The following CAVIN1 variants were observed in gnomAD, a reference collection of about 807,000 sequenced individuals.
CAVIN1 encodes the protein caveolae-associated protein 1.
In CAVIN1, 16 loss-of-function variants were observed where a neutral mutation model predicts 24.0. That is an observed-to-expected ratio of 0.67 (90% confidence interval 0.45 to 1.01). The LOEUF is 1.01. Ranked by LOEUF, CAVIN1 falls within the 50% of genes least tolerant of loss-of-function variation. The pLI is 0.00. For missense variants in CAVIN1, 510 were observed against 551.7 expected (o/e 0.92, Z 0.76); for synonymous variants, 256 against 256.4 (o/e 1.00, Z 0.02).
Position 42,404,941 on chromosome 17 carries a change from C to T in CAVIN1, c.919G>A (p.Val307Met). The T allele has an allele frequency of 6.2e-7, 1 of 1,614,158 alleles. No homozygotes were observed. The highest frequency in any genetic ancestry group is 8.5e-7 in the Non-Finnish European group (1 of 1,179,994). ...LRKSFTPDHV[V>M]YARSKTAVYK... Reference sequence around the variant, plus strand: ...ACCGCGGTCTTGGAGCGCGCGTACACCACGTGGTCGGGCGTGAAGGATTTG... The same window carrying T: ...ACCGCGGTCTTGGAGCGCGCGTACATCACGTGGTCGGGCGTGAAGGATTTG... Residue 307 changes from valine to methionine, a missense_variant, in exon 2 of 2, where the codon GTG (valine) becomes ATG (methionine). Physicochemically the swap from Val to Met is conservative, Grantham distance 21. Transcript: ENST00000357037.
In CAVIN1 at chr17:42,404,611, A is replaced by C; in HGVS notation, c.*76T>G. The C allele has an allele frequency of 9.8e-7, 1 of 1,017,972 alleles. No individual in the cohort carries two copies. The highest frequency in any genetic ancestry group is 1.3e-6 in the Non-Finnish European group (1 of 753,410). 63.1% of individuals were successfully genotyped at this position (1,017,972 alleles called of 1,614,324 possible). A position where few individuals can be genotyped will look rare whatever the true frequency, so the allele number is the denominator to read the frequency against. On this transcript the variant is annotated 3_prime_UTR_variant, in exon 2 of 2. Coordinates refer to ENST00000357037, the MANE Select transcript of CAVIN1 (RefSeq NM_012232.6). ...TTTTCAATTTAGAAAAATCTCAGCC[A>C]GCTCGAGCCGAGAGAGAATGCGAAA...
intron 1 of CAVIN1, among the ~76,000 whole-genome samples, chr17:42,418,673 T>C (rs879333358): frequency 5.3e-5 from 8 of 152,086 alleles, no homozygotes; most frequent in African/African-American, 1.9e-4. Context: ...AATAGGGTGA[T>C]AGAGTTAACA....
chr17:42,413,088 T>C (rs1209106184), intron 1 of CAVIN1, among the ~76,000 whole-genome samples: 2 of 151,140 alleles, frequency 1.3e-5, no homozygotes, highest in African/African-American at 2.4e-5. Flanking sequence ...GGTGCCACCA[T>C]GCTCAGCTAA....
Position 42,422,744 on chromosome 17 carries a change from G to T in CAVIN1, c.354C>A (p.Ser118Arg). 6.2e-7 allele frequency: 1 copy of T among 1,611,716 alleles called. No homozygotes were observed. Among genetic ancestry groups the T allele is most frequent in the Non-Finnish European group, 8.5e-7 (1 of 1,179,124 alleles). ...SKLLEKVRKV[S>R]VNVKTVRGSL... ...TGCCGCGCACGGTCTTCACGTTGACGCTGACCTTGCGCACCTTCTCCAGCA... is the reference window on the plus strand; with the variant it reads ...TGCCGCGCACGGTCTTCACGTTGACTCTGACCTTGCGCACCTTCTCCAGCA... The change falls in exon 1 of 2, where the codon AGC (serine) becomes AGA (arginine). Residue 118 changes from serine (S) to arginine (R), a missense_variant. Physicochemically the swap from Ser to Arg is moderately radical, Grantham distance 110. Coordinates refer to ENST00000357037, the MANE Select transcript of CAVIN1 (RefSeq NM_012232.6).
intron 1 of CAVIN1, among the ~76,000 whole-genome samples, chr17:42,406,205 T>G (rs1443838235): frequency 6.6e-6 from 1 of 152,056 alleles, no homozygotes; most frequent in African/African-American, 2.4e-5. Context: ...ACTTTGGAAA[T>G]GGGCGGAGCG....
chr17:42,412,807 G>A (rs548559243), intron 1 of CAVIN1, among the ~76,000 whole-genome samples: 10 of 151,250 alleles, frequency 6.6e-5, no homozygotes, highest in South Asian at 6.3e-4. Flanking sequence ...AGTAGAGACC[G>A]GGTTTCACTG....
intron 1 of CAVIN1, among the ~76,000 whole-genome samples, chr17:42,415,441 G>A (rs2085506104): frequency 6.6e-6 from 1 of 152,128 alleles, no homozygotes; most frequent in Admixed American, 6.6e-5. Context: ...GGCCGGGTGC[G>A]GTGGCTCACG....
intron 1 of CAVIN1, among the ~76,000 whole-genome samples, chr17:42,413,173 T>C (rs528182541): frequency 6.6e-6 from 1 of 151,724 alleles, no homozygotes; most frequent in African/African-American, 2.4e-5. Flanking sequence ...CCTCAAGTGA[T>C]CTGCCCTCCT....
rs983007818 is a variant in CAVIN1 at position 42,403,306 on chromosome 17, C to G, written c.*1381G>C. On this transcript the variant is annotated 3_prime_UTR_variant, in exon 2 of 2. Coordinates refer to ENST00000357037, the MANE Select transcript of CAVIN1 (RefSeq NM_012232.6). The stretch of plus-strand genomic sequence containing the variant: ...TCTGTGATGTTCTCTCCCCACCTCC[C>G]CTCCAGCTCTCAACTTGGTGGCAGG... 1.2e-4 allele frequency: 18 copies of G among 152,374 alleles called. No individual in the cohort carries two copies. Among genetic ancestry groups the G allele is most frequent in the African/African-American group, 4.4e-4 (18 of 41,294 alleles). 9.4% of individuals were successfully genotyped at this position (152,374 alleles called of 1,614,324 possible).
At chr17:42,408,858 T>TCGGCTCACTG (rs549803184) in intron 1 of CAVIN1, among the ~76,000 whole-genome samples, 2 of 146,012 alleles carry the variant, frequency 1.4e-5, no homozygotes, top group South Asian at 4.5e-4. Flanking sequence ...TGGCGCGATC[T>TCGGCTCACTG]CGGCTCACTG....
Position 42,403,209 on chromosome 17 carries a change from A to C in CAVIN1, c.*1478T>G, listed in dbSNP as rs1021158319. 1.3e-5 allele frequency: 2 copies of C among 152,566 alleles called. No homozygotes were observed. The highest frequency in any genetic ancestry group is 4.8e-5 in the African/African-American group (2 of 41,430). The allele number at this position is 152,566 out of a possible 1,614,324, so 9.5% of individuals were successfully genotyped here. The stretch of plus-strand genomic sequence containing the variant: ...CAGCCTCCCAAGTAGCTGAGACCAC[A>C]GGCACGTGCCACCATGCTCCTAGGG... On this transcript the variant is annotated 3_prime_UTR_variant, in exon 2 of 2. Transcript: ENST00000357037.
At chr17:42,421,761 G>A (rs2085547947) in intron 1 of CAVIN1, among the ~76,000 whole-genome samples, 5 of 152,126 alleles carry the variant, frequency 3.3e-5, no homozygotes, top group Admixed American at 3.3e-4. Flanking sequence ...GCCTCCTCCC[G>A]CCGGCTGCGC....
rs4796582 is a variant in CAVIN1, at chr17:42,403,096, A to C, written c.*1591T>G. ...GGATTTTTTCCTTTTTAAACAGCGT[A>C]TCACTCTGTTGCCTAGGATGGAGCA... On this transcript the variant is annotated 3_prime_UTR_variant, in exon 2 of 2. Coordinates refer to ENST00000357037, the MANE Select transcript of CAVIN1 (RefSeq NM_012232.6). 0.84 allele frequency: 127,622 copies of C among 152,238 alleles called. 54,704 individuals are homozygous for C. The highest frequency in any genetic ancestry group is 0.99 in the East Asian group (5,125 of 5,182). The allele number at this position is 152,238 out of a possible 1,614,324, so 9.4% of individuals were successfully genotyped here.
rs1196934871 is a variant in CAVIN1, at chr17:42,402,876, A to T, written c.*1811T>A. On this transcript the variant is annotated 3_prime_UTR_variant, in exon 2 of 2. Coordinates refer to ENST00000357037, the MANE Select transcript of CAVIN1 (RefSeq NM_012232.6). ...TTCTTGCTTCTGACAAACCCCCTTTAATGGGGAGGAACAAGGGGACTCGTG... is the reference window on the plus strand; with the variant it reads ...TTCTTGCTTCTGACAAACCCCCTTTTATGGGGAGGAACAAGGGGACTCGTG... The T allele has an allele frequency of 1.3e-5, 2 of 152,192 alleles. No homozygotes were observed. The highest frequency in any genetic ancestry group is 4.8e-5 in the African/African-American group (2 of 41,388). 9.4% of individuals were successfully genotyped at this position (152,192 alleles called of 1,614,324 possible). A position where few individuals can be genotyped will look rare whatever the true frequency, so the allele number is the denominator to read the frequency against.
chr17:42,415,400 A>G (rs866878602), intron 1 of CAVIN1, among the ~76,000 whole-genome samples: 1 of 152,180 alleles, frequency 6.6e-6, no homozygotes, highest in African/African-American at 2.4e-5. Flanking sequence ...TTATTTGCAA[A>G]GTGTCTTCTA....
chr17:42,419,363 G>C (rs1427518492), intron 1 of CAVIN1, among the ~76,000 whole-genome samples: 1 of 151,612 alleles, frequency 6.6e-6, no homozygotes, highest in Non-Finnish European at 1.5e-5. Context: ...GCCCAGGCTG[G>C]AGTGCAATAA....
At chr17:42,407,017 TG>T (rs1287317865) in intron 1 of CAVIN1, among the ~76,000 whole-genome samples, 3 of 152,070 alleles carry the variant, frequency 2.0e-5, no homozygotes, top group Non-Finnish European at 4.4e-5. Context: ...CCCATGACCC[TG>T]GAGCTCAGAA....
At chr17:42,419,046 A>T (rs2085529378) in intron 1 of CAVIN1, among the ~76,000 whole-genome samples, 2 of 151,928 alleles carry the variant, frequency 1.3e-5, no homozygotes, top group South Asian at 2.1e-4. Flanking sequence ...GAAAAAAAAC[A>T]ATTTGCCGGG....
At chr17:42,415,461 C>T (rs912483265) in intron 1 of CAVIN1, among the ~76,000 whole-genome samples, 2 of 152,100 alleles carry the variant, frequency 1.3e-5, no homozygotes, top group African/African-American at 4.8e-5. Flanking sequence ...GCCTGTAATC[C>T]CAGCACTTTG....
Sources: gnomAD v4.1 joint callset for allele counts (sites outside exome capture counted in the v4.1 genomes callset) on GRCh38, gnomAD v4.1.1 for gene constraint, MANE v1.5 for transcripts, NCBI Gene and HGNC (gene_info 2026-07-23, HGNC 2026-07-21) for gene names.